The following FUT8 variants were observed in gnomAD, a reference collection of about 807,000 sequenced individuals.
FUT8 encodes alpha-(1,6)-fucosyltransferase.
FUT8 carries 29 observed loss-of-function variants against 71.3 expected under a neutral mutation model. The observed-to-expected ratio is 0.41, with a 90% CI of 0.30 to 0.55. FUT8 has a LOEUF of 0.55. Ranked by LOEUF, FUT8 falls within the 20% of genes least tolerant of loss-of-function variation. FUT8 has a pLI of 0.34. For missense variants in FUT8, 544 were observed against 702.1 expected (o/e 0.77, Z 2.55); for synonymous variants, 254 against 239.3 (o/e 1.06, Z -0.57).
At chr14:65,570,159 T>C (rs1341252925) in intron 3 of FUT8, among the ~76,000 whole-genome samples, 3 of 152,066 alleles carry the variant, frequency 2.0e-5, no homozygotes, top group Non-Finnish European at 2.9e-5. Context: ...TCATTCTGTC[T>C]TAAAATTACT....
intron 7 of FUT8, among the ~76,000 whole-genome samples, chr14:65,684,594 T>C (rs1893185918): frequency 6.6e-6 from 1 of 152,242 alleles, no homozygotes. Flanking sequence ...TTTAGCTTTG[T>C]GTCCCCACCC....
the FUT8 span, among the ~76,000 whole-genome samples, chr14:65,369,315 T>C: frequency 2.6e-5 from 4 of 152,368 alleles, no homozygotes; most frequent in East Asian, 5.8e-4. This position sits in a 1 kb window ranked among gnomAD's most constrained non-coding sequence, Gnocchi z 4.6. Context: ...GACAAGGTAC[T>C]GAGTTTTTCT....
At chr14:65,390,705 T>G in the FUT8 span, among the ~76,000 whole-genome samples, 1 of 150,008 alleles carries the variant, frequency 6.7e-6, no homozygotes, top group Non-Finnish European at 1.5e-5. Context: ...CACCACCAAG[T>G]CTACGATTAA....
intron 7 of FUT8, among the ~76,000 whole-genome samples, chr14:65,704,339 G>GT (rs1894456431): frequency 2.2e-5 from 2 of 90,430 alleles, no homozygotes; most frequent in Non-Finnish European, 6.4e-5. Flanking sequence ...GTGGAATTGT[G>GT]ATTTTTTTTT....
At chr14:65,524,283 T>C (rs1594735302) in intron 2 of FUT8, among the ~76,000 whole-genome samples, 3 of 152,230 alleles carry the variant, frequency 2.0e-5, no homozygotes, top group African/African-American at 7.2e-5. Context: ...TGAAGAGGTC[T>C]TTCACATCCC....
At chr14:65,535,126 G>A (rs1201415959) in intron 2 of FUT8, among the ~76,000 whole-genome samples, 1 of 150,486 alleles carries the variant, frequency 6.6e-6, no homozygotes, top group African/African-American at 2.4e-5. Context: ...TTTTGAGACA[G>A]TCTCGCTCTG....
chr14:65,611,051 T>C (rs1352707411), intron 3 of FUT8, among the ~76,000 whole-genome samples: 1 of 151,726 alleles, frequency 6.6e-6, no homozygotes, highest in East Asian at 1.9e-4. Context: ...CTAGGTTTTT[T>C]TGCCCAGTGT....
chr14:65,598,225 A>G (rs1888096909), intron 3 of FUT8, among the ~76,000 whole-genome samples: 1 of 152,104 alleles, frequency 6.6e-6, no homozygotes, highest in South Asian at 2.1e-4. Context: ...TACTAAAAAA[A>G]AATTTTTTTT....
chr14:65,499,410 C>CT (rs927468223), intron 2 of FUT8, among the ~76,000 whole-genome samples: 6 of 149,150 alleles, frequency 4.0e-5, no homozygotes, highest in East Asian at 2.0e-4. Context: ...AGGTTTACCA[C>CT]TTTTTTTTTT....
chr14:65,560,973 G>A (rs1885885899), intron 2 of FUT8, among the ~76,000 whole-genome samples: 1 of 152,120 alleles, frequency 6.6e-6, no homozygotes, highest in Non-Finnish European at 1.5e-5. Flanking sequence ...TGAACATATA[G>A]CCCAAAATAT....
intron 1 of FUT8, among the ~76,000 whole-genome samples, chr14:65,437,580 C>T (rs1288832180): frequency 6.6e-6 from 1 of 152,178 alleles, no homozygotes; most frequent in Non-Finnish European, 1.5e-5. Context: ...ATGCAATTTA[C>T]TGTTTTGGGA....
chr14:65,480,710 A>T (rs1480041150), intron 2 of FUT8, among the ~76,000 whole-genome samples: 5 of 150,536 alleles, frequency 3.3e-5, no homozygotes, highest in African/African-American at 1.2e-4. Flanking sequence ...TTTTTTTTTT[A>T]AATGGAGTCT....
chr14:65,371,174 A>AGGGCCATATTTGGGTGT, the FUT8 span, among the ~76,000 whole-genome samples: 2 of 152,240 alleles, frequency 1.3e-5, no homozygotes, highest in Non-Finnish European at 2.9e-5. Flanking sequence ...CCTGTGTCAA[A>AGGGCCATATTTGGGTGT]GGGCCATATT....
At chr14:65,385,343 C>T in the FUT8 span, among the ~76,000 whole-genome samples, 1 of 121,746 alleles carries the variant, frequency 8.2e-6, no homozygotes, top group Non-Finnish European at 1.7e-5. Context: ...TTTGTATGCA[C>T]TATGCTTAAA....
chr14:65,534,888 C>G (rs187690538), intron 2 of FUT8, among the ~76,000 whole-genome samples: 18 of 151,352 alleles, frequency 1.2e-4, no homozygotes, highest in African/African-American at 3.9e-4. Flanking sequence ...CTTCATTGAT[C>G]TTTTGGATGA....
At position 65,708,576 on chromosome 14, in the gene FUT8, C is replaced by T. The variant is rs562624524; in HGVS notation, c.836-13199C>T. On this transcript the variant is annotated intron_variant, in intron 7 of 10. Transcript: ENST00000673929. ...TTTCACCTCCTTGGTTAAATTTCCT[C>T]CTGTTTTATTTTTTGATGCTATTGT... Among the ~76,000 whole-genome samples, 12 of 152,068 alleles carry T rather than the reference C, an allele frequency of 7.9e-5. No homozygotes were observed. In the South Asian group the frequency reaches 2.3e-3, roughly 29 times the overall value.
chr14:65,425,226 C>A (rs111466482), intron 1 of FUT8, among the ~76,000 whole-genome samples: 1 of 150,896 alleles, frequency 6.6e-6, no homozygotes, highest in African/African-American at 2.4e-5. Context: ...AGTGCAATGG[C>A]ACGAACTCGG....
At chr14:65,440,419 A>G (rs547087497) in intron 1 of FUT8, among the ~76,000 whole-genome samples, 2 of 152,092 alleles carry the variant, frequency 1.3e-5, no homozygotes, top group South Asian at 4.2e-4. Context: ...GGGCACAAGC[A>G]ATCTTCCTGC....
At chr14:65,394,463 A>G in the FUT8 span, among the ~76,000 whole-genome samples, 1 of 152,114 alleles carries the variant, frequency 6.6e-6, no homozygotes, top group African/African-American at 2.4e-5. Context: ...GCTCCTTCCA[A>G]ATCTCATGTC....
Sources: gnomAD v4.1 joint callset for allele counts (sites outside exome capture counted in the v4.1 genomes callset) on GRCh38, gnomAD v4.1.1 for gene constraint, Gnocchi (gnomAD v3.1) non-coding constraint, MANE v1.5 for transcripts, NCBI Gene and HGNC (gene_info 2026-07-23, HGNC 2026-07-21) for gene names.